DENND2B: variants seen among roughly 807,000 people sequenced by gnomAD.
DENND2B encodes DENN domain-containing protein 2B.
Under a neutral mutation model 116.0 loss-of-function variants are expected in DENND2B, and 32 were observed. The observed-to-expected ratio is 0.28, with a 90% CI of 0.21 to 0.37. The LOEUF (loss-of-function observed/expected upper bound fraction) is 0.37. Ranked by LOEUF, DENND2B falls within the 10% of genes least tolerant of loss-of-function variation. The pLI is 1.00. For missense variants in DENND2B, 1,276 were observed against 1,477.7 expected (o/e 0.86, Z 2.24); for synonymous variants, 588 against 583.9 (o/e 1.01, Z -0.10).
intron 1 of DENND2B, among the ~76,000 whole-genome samples, chr11:8,757,685 G>A (rs1226719291): frequency 6.6e-6 from 1 of 152,150 alleles, no homozygotes; most frequent in East Asian, 1.9e-4. Context: ...CCTGTGAGGT[G>A]GGTACTATTA....
chr11:8,867,267 C>T (rs926495749), intron 2 of DENND2B, among the ~76,000 whole-genome samples: 4 of 152,106 alleles, frequency 2.6e-5, no homozygotes, highest in African/African-American at 9.7e-5. Flanking sequence ...CATTATCTGC[C>T]GAGAATCAAA....
At chr11:8,848,559 A>G (rs2134638200) in intron 3 of DENND2B, among the ~76,000 whole-genome samples, 1 of 152,320 alleles carries the variant, frequency 6.6e-6, no homozygotes, top group South Asian at 2.1e-4. Flanking sequence ...TAGTTTGGTT[A>G]AATGTGAGAG....
chr11:8,878,417 T>G (rs1322371635), intron 2 of DENND2B, among the ~76,000 whole-genome samples: 8 of 149,092 alleles, frequency 5.4e-5, no homozygotes, highest in Non-Finnish European at 1.0e-4. Flanking sequence ...GGAGACAGAG[T>G]CTCGCTCAGT....
At chr11:8,850,812 G>A (rs2062978836) in intron 3 of DENND2B, among the ~76,000 whole-genome samples, 1 of 152,046 alleles carries the variant, frequency 6.6e-6, no homozygotes, top group South Asian at 2.1e-4. Context: ...AGAAAATGTG[G>A]TTTATATACA....
At chr11:8,884,599 G>A (rs1450415866) in intron 1 of DENND2B, among the ~76,000 whole-genome samples, 1 of 152,174 alleles carries the variant, frequency 6.6e-6, no homozygotes, top group East Asian at 1.9e-4. Context: ...AGTGATCGAT[G>A]GTTACAGGAC....
At chr11:8,903,729 C>T (rs10769971) in intron 1 of DENND2B, among the ~76,000 whole-genome samples, 51,162 of 150,840 alleles carry the variant, frequency 0.34, 10,332 homozygotes, top group Non-Finnish European at 0.44. Flanking sequence ...CAAAAAGTAC[C>T]AAAAAAATTA....
At chr11:8,768,552 A>G (rs970508628) in intron 1 of DENND2B, among the ~76,000 whole-genome samples, 1 of 152,108 alleles carries the variant, frequency 6.6e-6, no homozygotes, top group African/African-American at 2.4e-5. Context: ...CAAATGTGCT[A>G]TTTTCTAATG....
At chr11:8,802,443 C>G (rs1017042961) in intron 1 of DENND2B, among the ~76,000 whole-genome samples, 2 of 152,202 alleles carry the variant, frequency 1.3e-5, no homozygotes, top group African/African-American at 4.8e-5. Context: ...GTTACAGCCC[C>G]ATGAGATAAT....
At chr11:8,881,924 C>G (rs913020520) in intron 1 of DENND2B, among the ~76,000 whole-genome samples, 23 of 152,162 alleles carry the variant, frequency 1.5e-4, no homozygotes, top group Non-Finnish European at 2.9e-4. Flanking sequence ...ATATCTCTAT[C>G]AACTCCTGTC....
intron 1 of DENND2B, among the ~76,000 whole-genome samples, chr11:8,900,525 G>A (rs1428396745): frequency 3.3e-5 from 5 of 151,858 alleles, no homozygotes; most frequent in African/African-American, 1.2e-4. Context: ...CTTGAGCCTA[G>A]GAGGTGGAGG....
At chr11:8,799,261 A>C (rs572871228) in intron 1 of DENND2B, among the ~76,000 whole-genome samples, 1 of 152,314 alleles carries the variant, frequency 6.6e-6, no homozygotes, top group South Asian at 2.1e-4. Flanking sequence ...CCAAGAGCAA[A>C]CCCTGAGCAT....
intron 1 of DENND2B, among the ~76,000 whole-genome samples, chr11:8,786,447 C>T (rs1593679772): frequency 6.6e-6 from 1 of 152,212 alleles, no homozygotes; most frequent in East Asian, 1.9e-4. Context: ...ATTTAAATAA[C>T]TTTGTCCTTT....
intron 4 of DENND2B, among the ~76,000 whole-genome samples, chr11:8,824,203 CT>C (rs140701230): frequency 0.45 from 66,266 of 147,004 alleles, 15,176 homozygotes; most frequent in East Asian, 0.61. Context: ...TGCCTGGCCT[CT>C]TTTTTTTTTT....
At chr11:8,765,542 A>G (rs1438028149) in intron 1 of DENND2B, among the ~76,000 whole-genome samples, 2 of 152,248 alleles carry the variant, frequency 1.3e-5, no homozygotes, top group African/African-American at 4.8e-5. Context: ...AGCAAATACC[A>G]TGTGAAAAGC....
chr11:8,829,637 A>G (rs1051703087), intron 4 of DENND2B, among the ~76,000 whole-genome samples: 1 of 152,018 alleles, frequency 6.6e-6, no homozygotes, highest in Non-Finnish European at 1.5e-5. Context: ...TTTATCACCT[A>G]ATGTTATCCA....
rs12226180 is a variant in DENND2B at position 8,745,480 on chromosome 11, A to C, written c.80+5141T>G. 2.9e-3 allele frequency among the ~76,000 whole-genome samples: 447 copies of C among 152,296 alleles called. 10 individuals are homozygous for C. The East Asian group carries it at 0.043, about 15-fold the overall frequency. ...GTATTTTGCATCTGGGAAAGATGTG[A>C]ATTGTTGCAATCAGAGGGCAGACTG... On this transcript the variant is annotated intron_variant, in intron 2 of 19. Coordinates refer to ENST00000313726, the MANE Select transcript of DENND2B (RefSeq NM_213618.2).
intron 2 of DENND2B, among the ~76,000 whole-genome samples, chr11:8,748,082 G>A (rs569476040): frequency 1.3e-5 from 2 of 152,132 alleles, no homozygotes; most frequent in South Asian, 4.1e-4. Flanking sequence ...AGAACCACTG[G>A]GTTCCTCTGC....
chr11:8,855,022 T>C (rs1292766493), intron 3 of DENND2B, among the ~76,000 whole-genome samples: 2 of 143,794 alleles, frequency 1.4e-5, no homozygotes, highest in African/African-American at 5.2e-5. Flanking sequence ...GCCCACATAG[T>C]GGTCCTAGCT....
chr11:8,806,394 C>T (rs565665175), intron 1 of DENND2B, among the ~76,000 whole-genome samples: 40 of 152,168 alleles, frequency 2.6e-4, no homozygotes, highest in African/African-American at 8.9e-4. Context: ...AGGCTTCATA[C>T]GCTAACTGCA....
Sources: allele counts gnomAD v4.1 joint callset (sites outside exome capture counted in the v4.1 genomes callset), GRCh38; gene constraint gnomAD v4.1.1; transcripts MANE v1.5; gene names NCBI Gene and HGNC (gene_info 2026-07-23, HGNC 2026-07-21).